Variants in FBXL7 observed in about 807,000 individuals in gnomAD.
FBXL7 encodes F-box/LRR-repeat protein 7.
FBXL7 carries 12 observed loss-of-function variants against 38.3 expected under a neutral mutation model. That is an observed-to-expected ratio of 0.31 (90% confidence interval 0.20 to 0.51). The LOEUF (loss-of-function observed/expected upper bound fraction) is 0.51. Ranked by LOEUF, FBXL7 falls within the 20% of genes least tolerant of loss-of-function variation. FBXL7 has a pLI of 0.98. For missense variants in FBXL7, 567 were observed against 676.4 expected (o/e 0.84, Z 1.79); for synonymous variants, 297 against 300.9 (o/e 0.99, Z 0.13).
At chr5:15,580,212 T>A (rs192324945) in intron 1 of FBXL7, among the ~76,000 whole-genome samples, 1 of 152,268 alleles carries the variant, frequency 6.6e-6, no homozygotes, top group East Asian at 1.9e-4. Flanking sequence ...TGGGCCTCTG[T>A]AAACCAGGAG....
chr5:15,757,281 G>T (rs1334777168), intron 2 of FBXL7, among the ~76,000 whole-genome samples: 1 of 152,172 alleles, frequency 6.6e-6, no homozygotes, highest in East Asian at 1.9e-4. Flanking sequence ...CTCAAAACCA[G>T]AGAAGCCTTT....
intron 1 of FBXL7, among the ~76,000 whole-genome samples, chr5:15,519,606 G>C (rs1424392336): frequency 6.6e-6 from 1 of 152,192 alleles, no homozygotes; most frequent in Non-Finnish European, 1.5e-5. Context: ...TTTGACGGAA[G>C]GAAGTTAGAA....
chr5:15,561,594 G>C (rs1183185202), intron 1 of FBXL7, among the ~76,000 whole-genome samples: 4 of 152,064 alleles, frequency 2.6e-5, no homozygotes, highest in Non-Finnish European at 5.9e-5. Context: ...GGACTACTGT[G>C]TCATGTAGTA....
At chr5:15,811,739 C>T (rs926603267) in intron 2 of FBXL7, among the ~76,000 whole-genome samples, 5 of 152,082 alleles carry the variant, frequency 3.3e-5, no homozygotes, top group Admixed American at 2.0e-4. Context: ...GAAAAAAAAG[C>T]TGATCATCAG....
chr5:15,699,914 T>G (rs893738668), intron 2 of FBXL7, among the ~76,000 whole-genome samples: 2 of 152,210 alleles, frequency 1.3e-5, no homozygotes, highest in African/African-American at 2.4e-5. Flanking sequence ...TAATCTCATA[T>G]AACTACATAT....
chr5:15,861,730 G>A (rs1012157301), intron 2 of FBXL7, among the ~76,000 whole-genome samples: 11 of 152,282 alleles, frequency 7.2e-5, no homozygotes, highest in African/African-American at 1.9e-4. Context: ...TCCTGAAGTC[G>A]TGGGGTGTTG....
Position 15,702,458 on chromosome 5 carries a change from A to G in FBXL7, c.127+86386A>G, listed in dbSNP as rs544279479. Reference sequence around the variant, plus strand: ...CCAGTATTGAGTGTCTGGGAGAACTACAGGAGCCACGCGGTATCTGCCTCT... The same window carrying G: ...CCAGTATTGAGTGTCTGGGAGAACTGCAGGAGCCACGCGGTATCTGCCTCT... On this transcript the variant is annotated intron_variant, in intron 2 of 3. Coordinates refer to ENST00000504595, the MANE Select transcript of FBXL7 (RefSeq NM_012304.5). Among the ~76,000 whole-genome samples the G allele has an allele frequency of 1.8e-4, 28 of 152,312 alleles. No homozygotes were observed. In the South Asian group the frequency reaches 3.5e-3, roughly 19 times the overall value.
At chr5:15,600,630 A>G (rs1200292750) in intron 1 of FBXL7, among the ~76,000 whole-genome samples, 1 of 152,238 alleles carries the variant, frequency 6.6e-6, no homozygotes, top group Non-Finnish European at 1.5e-5. Context: ...GGTGGGAAAC[A>G]TAGCGGGATC....
chr5:15,605,694 A>G (rs1335873622), intron 1 of FBXL7, among the ~76,000 whole-genome samples: 1 of 152,188 alleles, frequency 6.6e-6, no homozygotes, highest in Non-Finnish European at 1.5e-5. Flanking sequence ...AATTAATGCA[A>G]TTGAGTTATA....
At chr5:15,664,469 C>CTTTTTTTT (rs34999340) in intron 2 of FBXL7, among the ~76,000 whole-genome samples, 2 of 105,534 alleles carry the variant, frequency 1.9e-5, no homozygotes, top group African/African-American at 3.7e-5. Context: ...TTTTCTTTTC[C>CTTTTTTTT]TTTTTTTTTT....
rs1382788801 is a variant in FBXL7 at position 15,573,718 on chromosome 5, G to C, written c.38-42265G>C. Among the ~76,000 whole-genome samples, 5 of 152,336 alleles carry C rather than the reference G, an allele frequency of 3.3e-5. No homozygotes were observed. In the South Asian group the frequency reaches 8.3e-4, roughly 25 times the overall value. On this transcript the variant is annotated intron_variant, in intron 1 of 3. Coordinates refer to ENST00000504595, the MANE Select transcript of FBXL7 (RefSeq NM_012304.5). ...CTCGGGTCACTTAATCAGATACTCT[G>C]CTTCAGCCAATCAGTACTCAGGAGT... is the stretch of plus-strand genomic sequence containing the variant.
intron 2 of FBXL7, among the ~76,000 whole-genome samples, chr5:15,724,930 AT>A (rs1744300144): frequency 6.6e-6 from 1 of 152,168 alleles, no homozygotes; most frequent in African/African-American, 2.4e-5. Context: ...GACAGCAGCC[AT>A]TTAGTATATA....
At chr5:15,706,700 A>G (rs1250438599) in intron 2 of FBXL7, among the ~76,000 whole-genome samples, 2 of 152,168 alleles carry the variant, frequency 1.3e-5, no homozygotes, top group Non-Finnish European at 2.9e-5. Context: ...AAACAAAAGA[A>G]CAACAACTAC....
At chr5:15,598,122 A>G (rs1268389808) in intron 1 of FBXL7, among the ~76,000 whole-genome samples, 1 of 152,218 alleles carries the variant, frequency 6.6e-6, no homozygotes, top group Non-Finnish European at 1.5e-5. Context: ...TGAAAAATAC[A>G]TCATAGATTA....
intron 1 of FBXL7, among the ~76,000 whole-genome samples, chr5:15,615,050 A>G (rs1021931302): frequency 1.3e-5 from 2 of 152,224 alleles, no homozygotes; most frequent in African/African-American, 4.8e-5. Context: ...TGATGCGGAC[A>G]TGGATACCAT....
At chr5:15,571,013 A>G (rs1738761444) in intron 1 of FBXL7, among the ~76,000 whole-genome samples, 2 of 151,336 alleles carry the variant, frequency 1.3e-5, no homozygotes, top group Non-Finnish European at 2.9e-5. Context: ...AATTGTTTGA[A>G]CCTGGGAGGC....
chr5:15,914,556 T>C (rs1741531802), intron 2 of FBXL7, among the ~76,000 whole-genome samples: 1 of 152,116 alleles, frequency 6.6e-6, no homozygotes, highest in East Asian at 1.9e-4. Flanking sequence ...TCTGAGTAGA[T>C]TAATACTATT....
chr5:15,568,305 G>T (rs1029641307), intron 1 of FBXL7, among the ~76,000 whole-genome samples: 2 of 152,186 alleles, frequency 1.3e-5, no homozygotes, highest in African/African-American at 4.8e-5. Context: ...GGTGTGAGAT[G>T]ATATCTCATA....
At chr5:15,743,907 A>G (rs1369307676) in intron 2 of FBXL7, among the ~76,000 whole-genome samples, 1 of 152,196 alleles carries the variant, frequency 6.6e-6, no homozygotes, top group Non-Finnish European at 1.5e-5. Context: ...CAGCCTCTGA[A>G]GCAATGGCCT....
Sources: allele counts gnomAD v4.1 joint callset (sites outside exome capture counted in the v4.1 genomes callset), GRCh38; gene constraint gnomAD v4.1.1; transcripts MANE v1.5; gene names NCBI Gene and HGNC (gene_info 2026-07-23, HGNC 2026-07-21).